The following SORCS2 variants were observed in gnomAD, a reference collection of about 807,000 sequenced individuals.
SORCS2 encodes sortilin related VPS10 domain containing receptor 2.
SORCS2 carries 100 observed loss-of-function variants against 141.6 expected under a neutral mutation model. The ratio of observed to expected loss-of-function variants is 0.71; its 90% confidence interval spans 0.60 to 0.83. The LOEUF (loss-of-function observed/expected upper bound fraction) is 0.83, where lower values mean the gene tolerates loss of function less well. SORCS2 is among the 40% of genes least tolerant of loss of function. SORCS2 has a pLI of 0.00. For missense variants in SORCS2, 1,646 were observed against 1,560.2 expected (o/e 1.05, Z -0.93); for synonymous variants, 789 against 676.9 (o/e 1.17, Z -2.57).
rs1560372999 is a variant in SORCS2 at position 7,543,707 on chromosome 4, TCCACCCATCCACCCATCCAC to T, written c.648+12082_648+12101del. Among the ~76,000 whole-genome samples, 383 of 49,554 alleles carry T rather than the reference TCCACCCATCCACCCATCCAC, an allele frequency of 7.7e-3. 13 individuals carry two copies. The highest frequency in any genetic ancestry group is 0.034 in the African/African-American group (343 of 10,008). 32.5% of individuals were successfully genotyped at this position (49,554 alleles called of 152,430 possible). On this transcript the variant is annotated intron_variant, in intron 3 of 26. Transcript: ENST00000507866. ...ATCCACCCATCCACCCATCCATCCA[TCCACCCATCCACCCATCCAC>T]CCATCCACCCATCCACCCATCCACC...
At chr4:7,630,277 C>G (rs921856592) in intron 3 of SORCS2, among the ~76,000 whole-genome samples, 1 of 152,178 alleles carries the variant, frequency 6.6e-6, no homozygotes, top group African/African-American at 2.4e-5. Context: ...ATCCCAGGAG[C>G]ACCTGGGAGA....
At chr4:7,695,917 TGGA>T (rs1232719286) in intron 11 of SORCS2, among the ~76,000 whole-genome samples, 1,504 of 129,758 alleles carry the variant, frequency 0.012, 112 homozygotes, top group African/African-American at 0.012. Context: ...GATGGATGGA[TGGA>T]TGGATTGGTG....
chr4:7,287,268 G>A (rs1332184233), intron 1 of SORCS2, among the ~76,000 whole-genome samples: 6 of 152,236 alleles, frequency 3.9e-5, no homozygotes, highest in African/African-American at 7.2e-5. Flanking sequence ...ACCACAAGGC[G>A]AGACCCTGGG....
intron 14 of SORCS2, among the ~76,000 whole-genome samples, chr4:7,705,184 G>A (rs534321222): frequency 6.6e-6 from 1 of 152,246 alleles, no homozygotes; most frequent in Non-Finnish European, 1.5e-5. Flanking sequence ...AGGCCGGGGA[G>A]GGAGGAGGCA....
chr4:7,649,469 G>C (rs1445369014), intron 4 of SORCS2, among the ~76,000 whole-genome samples: 2 of 152,134 alleles, frequency 1.3e-5, no homozygotes, highest in African/African-American at 4.8e-5. Context: ...GCAGGACCGA[G>C]GGCTGAGAGC....
chr4:7,194,587 C>T (rs578144490), intron 1 of SORCS2, among the ~76,000 whole-genome samples: 3 of 152,182 alleles, frequency 2.0e-5, no homozygotes, highest in Non-Finnish European at 2.9e-5. Context: ...GAGCTGGCTC[C>T]CTGGGTGCAG....
At chr4:7,334,297 T>G (rs1175459584) in intron 1 of SORCS2, among the ~76,000 whole-genome samples, 1 of 152,020 alleles carries the variant, frequency 6.6e-6, no homozygotes, top group Non-Finnish European at 1.5e-5. Flanking sequence ...ACCTCCTCCT[T>G]CCCCAGCCTG....
At chr4:7,359,608 C>G (rs1322110351) in intron 1 of SORCS2, among the ~76,000 whole-genome samples, 1 of 152,198 alleles carries the variant, frequency 6.6e-6, no homozygotes, top group Non-Finnish European at 1.5e-5. Flanking sequence ...GATTCGCTCC[C>G]AAGATCCCGG....
chr4:7,254,457 G>T lies in SORCS2; in HGVS notation c.480+61331G>T, dbSNP rs140985502. ...ATAGCATGATCTCACTCATAAGTGG[G>T]TACTAAGAAGTGTGTGTCCATGGAC... is the stretch of plus-strand genomic sequence containing the variant. On this transcript the variant is annotated intron_variant, in intron 1 of 26. Coordinates refer to ENST00000507866, the MANE Select transcript of SORCS2 (RefSeq NM_020777.3). Among the ~76,000 whole-genome samples, 30 of 152,332 alleles carry T rather than the reference G, an allele frequency of 2.0e-4. No homozygotes were observed. In the East Asian group the frequency reaches 5.8e-3, roughly 29 times the overall value.
intron 2 of SORCS2, among the ~76,000 whole-genome samples, chr4:7,454,982 G>C (rs1728783404): frequency 3.6e-5 from 5 of 137,986 alleles, no homozygotes; most frequent in East Asian, 4.9e-4. Flanking sequence ...TTGGGGTCAG[G>C]CTCCGTGTTA....
intron 3 of SORCS2, among the ~76,000 whole-genome samples, chr4:7,627,332 G>A (rs897351708): frequency 6.6e-6 from 1 of 152,162 alleles, no homozygotes; most frequent in Non-Finnish European, 1.5e-5. Flanking sequence ...AGGACAGTGG[G>A]AGGCGTCCTG....
At chr4:7,657,453 TAATA>T in intron 5 of SORCS2, among the ~76,000 whole-genome samples, 1 of 151,976 alleles carries the variant, frequency 6.6e-6, no homozygotes, top group East Asian at 2.0e-4. Context: ...GTGAGTTAGG[TAATA>T]AATGAGTGAA....
intron 2 of SORCS2, among the ~76,000 whole-genome samples, chr4:7,427,973 G>A (rs375978640): frequency 3.3e-5 from 5 of 152,096 alleles, no homozygotes; most frequent in African/African-American, 1.2e-4. Context: ...TTGCACTGCA[G>A]CCAGAGGGCA....
intron 1 of SORCS2, among the ~76,000 whole-genome samples, chr4:7,277,399 T>C (rs1408313137): frequency 6.6e-6 from 1 of 152,154 alleles, no homozygotes; most frequent in Non-Finnish European, 1.5e-5. Flanking sequence ...TGTTTGTGTG[T>C]GTGTGCAGCT....
chr4:7,365,646 A>G (rs1396490426), intron 1 of SORCS2, among the ~76,000 whole-genome samples: 1 of 152,180 alleles, frequency 6.6e-6, no homozygotes, highest in African/African-American at 2.4e-5. Context: ...CTGCCCGCCC[A>G]ACAGCTGCTG....
chr4:7,293,032 G>A (rs112106477), intron 1 of SORCS2, among the ~76,000 whole-genome samples: 2,134 of 152,134 alleles, frequency 0.014, 45 homozygotes, highest in African/African-American at 0.045. Flanking sequence ...GGCTGGGCGT[G>A]GTGGCTCACA....
chr4:7,594,798 C>T (rs1202053737), intron 3 of SORCS2, among the ~76,000 whole-genome samples: 1 of 152,002 alleles, frequency 6.6e-6, no homozygotes, highest in African/African-American at 2.4e-5. Flanking sequence ...CACGATGGGG[C>T]GAGGGTCACA....
chr4:7,231,092 A>T (rs1463783370), intron 1 of SORCS2, among the ~76,000 whole-genome samples: 1 of 152,248 alleles, frequency 6.6e-6, no homozygotes, highest in Non-Finnish European at 1.5e-5. Flanking sequence ...GAGGTTTGTT[A>T]TAAGGAACTG....
At chr4:7,327,948 C>T (rs756690624) in intron 1 of SORCS2, among the ~76,000 whole-genome samples, 4 of 151,410 alleles carry the variant, frequency 2.6e-5, no homozygotes, top group Admixed American at 6.6e-5. Context: ...TATGACACGT[C>T]TCAGGAACTT....
Sources: gnomAD v4.1 joint callset for allele counts (sites outside exome capture counted in the v4.1 genomes callset) on GRCh38, gnomAD v4.1.1 for gene constraint, MANE v1.5 for transcripts, NCBI Gene and HGNC (gene_info 2026-07-23, HGNC 2026-07-21) for gene names.